The following DIAPH2 variants were observed in gnomAD, a reference collection of about 807,000 sequenced individuals.
The protein encoded by DIAPH2 is diaphanous related formin 2, also known as protein diaphanous homolog 2.
DIAPH2 carries 35 observed loss-of-function variants against 92.7 expected under a neutral mutation model. The ratio of observed to expected loss-of-function variants is 0.38; its 90% CI spans 0.29 to 0.50. DIAPH2 has a LOEUF of 0.50. Among genes scored for constraint, DIAPH2 ranks in the 20% least tolerant of loss-of-function variants. The pLI, the probability that DIAPH2 is intolerant of heterozygous loss-of-function variation, is 0.94. For synonymous variants in DIAPH2, 301 were observed against 280.4 expected (o/e 1.07, Z -0.73); for missense variants, 701 against 819.5 (o/e 0.86, Z 1.77).
intron 22 of DIAPH2, among the ~76,000 whole-genome samples, chrX:97,147,166 G>A (rs749228682): frequency 2.7e-5 from 3 of 111,246 alleles, no homozygotes; most frequent in African/African-American, 9.8e-5. Context: ...TTTATTACCA[G>A]TAAAGTTAAT....
chrX:97,378,052 A>C (rs1166739031), intron 24 of DIAPH2, among the ~76,000 whole-genome samples: 2 of 110,886 alleles, frequency 1.8e-5, no homozygotes, highest in Non-Finnish European at 3.8e-5. Context: ...AGTTGCTCAG[A>C]GAGTTCAAGA....
chrX:97,522,655 T>A (rs2070998829), intron 26 of DIAPH2, among the ~76,000 whole-genome samples: 1 of 113,030 alleles, frequency 8.8e-6, no homozygotes, highest in Admixed American at 9.3e-5. Context: ...TAAAATTGAG[T>A]TATACTATGC....
chrX:97,543,420 G>T (rs2071155559), intron 26 of DIAPH2, among the ~76,000 whole-genome samples: 1 of 112,086 alleles, frequency 8.9e-6, no homozygotes, highest in African/African-American at 3.2e-5. Context: ...CATAGTATGT[G>T]TCCATATTTA....
intron 22 of DIAPH2, among the ~76,000 whole-genome samples, chrX:97,211,874 T>C (rs765608967): frequency 8.9e-6 from 1 of 112,061 alleles, no homozygotes; most frequent in South Asian, 3.8e-4. Flanking sequence ...GTTTGCTACC[T>C]AATCAAATTT....
At chrX:97,088,974 T>G in intron 19 of DIAPH2, among the ~76,000 whole-genome samples, 1 of 110,840 alleles carries the variant, frequency 9.0e-6, no homozygotes. Context: ...ATGCAGTCAG[T>G]GTGTTCGGTA....
chrX:96,790,479 C>T (rs1308176459), intron 4 of DIAPH2, among the ~76,000 whole-genome samples: 1 of 111,653 alleles, frequency 9.0e-6, no homozygotes, highest in East Asian at 2.8e-4. Flanking sequence ...TGTAATAACA[C>T]ATTTTCTGAT....
intron 3 of DIAPH2, among the ~76,000 whole-genome samples, chrX:96,746,298 T>C (rs2064149686): frequency 8.9e-6 from 1 of 112,104 alleles, no homozygotes; most frequent in Non-Finnish European, 1.9e-5. Context: ...ATTTAGAGTA[T>C]GGTTACCAAC....
intron 22 of DIAPH2, among the ~76,000 whole-genome samples, chrX:97,235,300 A>G (rs765512370): frequency 1.2e-4 from 13 of 112,090 alleles, no homozygotes; most frequent in Non-Finnish European, 2.3e-4. Context: ...TCAGAGAAGA[A>G]GACGTTTTGA....
chrX:96,817,315 G>A (rs187091727), intron 4 of DIAPH2, among the ~76,000 whole-genome samples: 64 of 110,795 alleles, frequency 5.8e-4, no homozygotes, highest in Non-Finnish European at 1.1e-3. Flanking sequence ...CTGCACGCCC[G>A]TATCACCATA....
intron 19 of DIAPH2, among the ~76,000 whole-genome samples, chrX:97,083,552 G>T (rs2066762470): frequency 9.0e-6 from 1 of 111,134 alleles, no homozygotes; most frequent in African/African-American, 3.3e-5. Flanking sequence ...ATTATAGGAT[G>T]TTTAGCAGTA....
At chrX:97,524,051 C>G (rs778594865) in intron 26 of DIAPH2, among the ~76,000 whole-genome samples, 8 of 111,040 alleles carry the variant, frequency 7.2e-5, no homozygotes, top group Admixed American at 1.9e-4. Flanking sequence ...AGAATAGTAC[C>G]CTCCTCTTTG....
At chrX:97,085,743 T>C (rs2066778815) in intron 19 of DIAPH2, among the ~76,000 whole-genome samples, 1 of 111,969 alleles carries the variant, frequency 8.9e-6, no homozygotes, top group Admixed American at 9.5e-5. Flanking sequence ...AAATAATTAA[T>C]CAGGAATGGT....
At chrX:97,080,917 C>A (rs1302453401) in intron 19 of DIAPH2, among the ~76,000 whole-genome samples, 1 of 111,937 alleles carries the variant, frequency 8.9e-6, no homozygotes, top group African/African-American at 3.2e-5. Context: ...TATCGACCAT[C>A]TGTATTTTAT....
intron 16 of DIAPH2, among the ~76,000 whole-genome samples, chrX:96,960,805 G>A (rs1315365098): frequency 8.9e-6 from 1 of 112,000 alleles, no homozygotes; most frequent in African/African-American, 3.2e-5. Flanking sequence ...TTTTTATTGT[G>A]AAGGGATGTT....
chrX:96,686,416 TTAG>T (rs2063771433), intron 1 of DIAPH2, among the ~76,000 whole-genome samples: 1 of 111,721 alleles, frequency 9.0e-6, no homozygotes, highest in African/African-American at 3.3e-5. Flanking sequence ...CTTATCTCTG[TTAG>T]TAGTAACACC....
At chrX:97,037,334 G>C (rs750760118) in intron 17 of DIAPH2, among the ~76,000 whole-genome samples, 1 of 110,931 alleles carries the variant, frequency 9.0e-6, no homozygotes, top group Non-Finnish European at 1.9e-5. Flanking sequence ...GCTGCCTGTC[G>C]AAGCACTTTT....
At chrX:97,275,408 C>T (rs767326068) in intron 23 of DIAPH2, among the ~76,000 whole-genome samples, 2,175 of 103,233 alleles carry the variant, frequency 0.021, 28 homozygotes, top group Non-Finnish European at 0.03. Context: ...GGCGGCTGGC[C>T]AGGCGGGGGC....
intron 4 of DIAPH2, among the ~76,000 whole-genome samples, chrX:96,809,574 T>C (rs1157840874): frequency 1.0e-4 from 11 of 109,807 alleles, no homozygotes; most frequent in Non-Finnish European, 2.1e-4. Context: ...ACGTGCAGGT[T>C]TGTTACACAG....
rs1230004129 is a variant in DIAPH2 at position 97,176,744 on chromosome X, G to A, written c.2719+34950G>A. ...GGGTTTCACCGTGTTGGCCAGGATG[G>A]TCTTGATCTCCTGACCTCGTGATCC... On this transcript the variant is annotated intron_variant, in intron 22 of 26. Transcript: ENST00000324765. Among the ~76,000 whole-genome samples, 3 of 111,182 alleles carry A rather than the reference G, an allele frequency of 2.7e-5. No individual in the cohort carries two copies. In the East Asian group the frequency reaches 8.5e-4, roughly 31 times the overall value.
Sources: allele counts gnomAD v4.1 joint callset (sites outside exome capture counted in the v4.1 genomes callset), GRCh38; gene constraint gnomAD v4.1.1; transcripts MANE v1.5; gene names NCBI Gene and HGNC (gene_info 2026-07-23, HGNC 2026-07-21).